The following TAF1B variants were observed in gnomAD, a reference collection of about 807,000 sequenced individuals.
TAF1B encodes the protein TATA box-binding protein-associated factor RNA polymerase I subunit B.
A neutral mutation model predicts 83.9 loss-of-function variants in TAF1B; 61 were observed. The observed-to-expected ratio is 0.73, with a 90% CI of 0.59 to 0.90. TAF1B has a LOEUF of 0.90. Ranked by LOEUF, TAF1B falls within the 40% of genes least tolerant of loss-of-function variation. The pLI, the probability that TAF1B is intolerant of heterozygous loss-of-function variation, is 0.00. For synonymous variants in TAF1B, 221 were observed against 224.6 expected (o/e 0.98, Z 0.14); for missense variants, 625 against 677.0 (o/e 0.92, Z 0.85).
At chr2:9,871,707 C>A (rs890934695) in intron 6 of TAF1B, among the ~76,000 whole-genome samples, 5 of 152,104 alleles carry the variant, frequency 3.3e-5, no homozygotes, top group African/African-American at 1.2e-4. Context: ...TCTCAGTGAA[C>A]CCCAGCATTA....
Position 9,934,026 on chromosome 2 carries a change from GATA to G in TAF1B, c.*47_*49del, listed in dbSNP as rs1666301667. The G allele has an allele frequency of 2.1e-6, 3 of 1,427,804 alleles. No homozygotes were observed. The South Asian group carries it at 3.9e-5, about 19-fold the overall frequency. 88.4% of individuals were successfully genotyped at this position (1,427,804 alleles called of 1,614,324 possible). A position where few individuals can be genotyped will look rare whatever the true frequency, so the allele number is the denominator to read the frequency against. The stretch of plus-strand genomic sequence containing the variant: ...CTTTCTGGAAAAATATTTTAATAGT[GATA>G]ATAACATCAGATTTTAATATAACAT... On this transcript the variant is annotated 3_prime_UTR_variant, in exon 15 of 15. Coordinates refer to ENST00000263663, the MANE Select transcript of TAF1B (RefSeq NM_005680.3).
At chr2:9,895,927 G>T (rs536935049) in intron 8 of TAF1B, among the ~76,000 whole-genome samples, 1 of 149,424 alleles carries the variant, frequency 6.7e-6, no homozygotes, top group South Asian at 2.1e-4. Context: ...ACTCTAGCCT[G>T]TCCTTACCTG....
chr2:9,903,246 C>T (rs938799091), intron 8 of TAF1B, among the ~76,000 whole-genome samples: 6 of 151,980 alleles, frequency 3.9e-5, no homozygotes, highest in African/African-American at 9.7e-5. Context: ...CCACCATGCC[C>T]GGTTAATTTT....
At chr2:9,880,955 T>C (rs1288458803) in intron 7 of TAF1B, among the ~76,000 whole-genome samples, 2 of 152,166 alleles carry the variant, frequency 1.3e-5, no homozygotes, top group African/African-American at 4.8e-5. Context: ...TAATAAAAAC[T>C]TAGCTGGGGA....
rs762078724 is a variant in TAF1B at position 9,910,871 on chromosome 2, T to G, written c.1091T>G (p.Val364Gly). Residue 364 changes from valine (V) to glycine (G), a missense_variant, in exon 10 of 15, where the codon GTG becomes GGG. Coordinates refer to ENST00000263663, the MANE Select transcript of TAF1B (RefSeq NM_005680.3). ...GTACAAGCTGTAGCTATCATTGTGG[T>G]GGTATTGAAACTGCTCTTTCTATTG... ...YDVQAVAIIVVVLKLLFLLDD... is the reference protein window; with the variant it reads ...YDVQAVAIIVGVLKLLFLLDD... 1 of 1,612,904 alleles carries G rather than the reference T, an allele frequency of 6.2e-7. No individual in the cohort carries two copies. The highest frequency in any genetic ancestry group is 1.3e-5 in the African/African-American group (1 of 75,032).
intron 8 of TAF1B, 125 bp from the exon 9 acceptor site, chr2:9,904,734 C>A: frequency 3.2e-6 from 3 of 941,626 alleles, no homozygotes; most frequent in South Asian, 1.7e-5. Context: ...CCTTTTTCTG[C>A]ACAACTTCAC....
chr2:9,930,946 C>T (rs1052170008), intron 14 of TAF1B, among the ~76,000 whole-genome samples: 1 of 152,126 alleles, frequency 6.6e-6, no homozygotes, highest in Non-Finnish European at 1.5e-5. Flanking sequence ...TTCTTTTGAT[C>T]TTTGTTGGTT....
At chr2:9,852,154 C>G in intron 4 of TAF1B, 1 of 393,388 alleles carries the variant, frequency 2.5e-6, no homozygotes, top group Non-Finnish European at 5.2e-6. Context: ...CCTTAATCCC[C>G]GAATTTCTGA....
At position 9,868,348 on chromosome 2, in the gene TAF1B, C is replaced by G. The variant is rs747452457; in HGVS notation, c.472C>G (p.Pro158Ala). 3 of 1,614,048 alleles carry G rather than the reference C, an allele frequency of 1.9e-6. No homozygotes were observed. In the African/African-American group the frequency reaches 4.0e-5, roughly 22 times the overall value. The part of the protein sequence containing the change: ...PELLSDVSCP[P>A]FLESGAESQS... Reference sequence around the variant, plus strand: ...GCTGCTAAGTGATGTCAGCTGTCCTCCTTTTCTTGAAAGTGGAGCGGAGTC... The same window carrying G: ...GCTGCTAAGTGATGTCAGCTGTCCTGCTTTTCTTGAAAGTGGAGCGGAGTC... Residue 158 changes from proline to alanine, a missense_variant, in exon 6 of 15, where the codon CCT (proline) becomes GCT (alanine). Physicochemically the swap from Pro to Ala is conservative, Grantham distance 27 (BLOSUM62 -1). Transcript: ENST00000263663.
intron 7 of TAF1B, among the ~76,000 whole-genome samples, chr2:9,880,451 T>TTG (rs1664467263): frequency 7.0e-6 from 1 of 142,138 alleles, no homozygotes; most frequent in Non-Finnish European, 1.5e-5. Context: ...TTTTTTTTTT[T>TTG]GGAAAAACAA....
intron 13 of TAF1B, 125 bp downstream of exon 13, chr2:9,919,236 T>C: frequency 1.3e-6 from 1 of 744,808 alleles, no homozygotes; most frequent in Non-Finnish European, 2.2e-6. Context: ...CCAGGGCACA[T>C]GTACATCCAA....
chr2:9,849,575 C>G (rs575090729), intron 3 of TAF1B, 115 bp downstream of exon 3: 6 of 653,016 alleles, frequency 9.2e-6, no homozygotes, highest in Non-Finnish European at 1.5e-5. Flanking sequence ...CAGATTTTAT[C>G]TACTGGCATA....
intron 8 of TAF1B, among the ~76,000 whole-genome samples, chr2:9,895,839 A>G (rs1471154790): frequency 9.2e-6 from 1 of 109,240 alleles, no homozygotes; most frequent in Non-Finnish European, 2.3e-5. Context: ...TTTTTTTTAA[A>G]TAGCTGAGCA....
In TAF1B at chr2:9,853,250, T is replaced by C. The variant is rs1172355498; in HGVS notation, c.304-1076T>C. Among the ~76,000 whole-genome samples the C allele has an allele frequency of 3.9e-5, 6 of 152,212 alleles. No homozygotes were observed. In the South Asian group the frequency reaches 1.0e-3, roughly 26 times the overall value. On this transcript the variant is annotated intron_variant, in intron 4 of 14. Transcript: ENST00000263663. ...AGCATAACTGTTTAGACCTGATCAG[T>C]TGAGTGGCATTATGCCATGTACACA...
intron 8 of TAF1B, among the ~76,000 whole-genome samples, chr2:9,893,380 A>G (rs939673450): frequency 1.3e-5 from 2 of 152,056 alleles, no homozygotes; most frequent in African/African-American, 4.8e-5. Flanking sequence ...TAAGCCAAAC[A>G]AAACCAGAAA....
intron 8 of TAF1B, among the ~76,000 whole-genome samples, chr2:9,902,185 G>A (rs1266755093): frequency 6.7e-6 from 1 of 149,236 alleles, no homozygotes; most frequent in Admixed American, 6.7e-5. Context: ...TTCCACCTTT[G>A]TATTTGAGCA....
At chr2:9,851,806 T>G (rs768566833) in intron 4 of TAF1B, among the ~76,000 whole-genome samples, 168 bp downstream of exon 4, 8 of 152,216 alleles carry the variant, frequency 5.3e-5, no homozygotes, top group Non-Finnish European at 1.0e-4. Context: ...GTTCTGGAAG[T>G]GTGTTCTACA....
chr2:9,874,243 C>T (rs955811176), intron 6 of TAF1B, among the ~76,000 whole-genome samples: 5 of 152,146 alleles, frequency 3.3e-5, no homozygotes, highest in African/African-American at 1.2e-4. Flanking sequence ...GCAGTTCACT[C>T]CTGCTAATAT....
chr2:9,903,966 T>A (rs1665266715), intron 8 of TAF1B, among the ~76,000 whole-genome samples: 1 of 152,212 alleles, frequency 6.6e-6, no homozygotes, highest in Admixed American at 6.5e-5. Context: ...ATATTAAGGA[T>A]TTATGGGGGT....
Sources: gnomAD v4.1 joint callset for allele counts (sites outside exome capture counted in the v4.1 genomes callset) on GRCh38, gnomAD v4.1.1 for gene constraint, MANE v1.5 for transcripts, NCBI Gene and HGNC (gene_info 2026-07-23, HGNC 2026-07-21) for gene names.